Variants in ATE1 observed in about 807,000 individuals in gnomAD.
ATE1 encodes the protein arginyl-tRNA--protein transferase 1.
A neutral mutation model predicts 70.5 loss-of-function variants in ATE1; 36 were observed. The observed-to-expected ratio is 0.51, with a 90% CI of 0.39 to 0.67. The LOEUF is 0.67. Ranked by LOEUF, ATE1 falls within the 30% of genes least tolerant of loss-of-function variation. The pLI, the probability that ATE1 is intolerant of heterozygous loss-of-function variation, is 0.00. For synonymous variants in ATE1, 232 were observed against 219.3 expected, an observed-to-expected ratio of 1.06 and a Z score of -0.51; for missense variants, 593 against 629.5, an observed-to-expected ratio of 0.94 and a Z score of 0.62.
chr10:121,751,109 G>A (rs1944559446), intron 11 of ATE1, among the ~76,000 whole-genome samples: 1 of 152,216 alleles, frequency 6.6e-6, no homozygotes, highest in Admixed American at 6.5e-5. Flanking sequence ...TTTGGTGGGA[G>A]GCTCAGAAAT....
intron 7 of ATE1, among the ~76,000 whole-genome samples, chr10:121,873,935 A>G: frequency 6.6e-6 from 1 of 152,128 alleles, no homozygotes; most frequent in East Asian, 1.9e-4. Flanking sequence ...ACTATTTGCC[A>G]AAGTGAAATT....
chr10:121,781,893 C>T (rs1201046339), intron 11 of ATE1, among the ~76,000 whole-genome samples: 1 of 152,250 alleles, frequency 6.6e-6, no homozygotes, highest in African/African-American at 2.4e-5. Context: ...TAGGAAAATA[C>T]GTTTCTTACA....
intron 7 of ATE1, among the ~76,000 whole-genome samples, chr10:121,879,864 C>T (rs1017347006): frequency 6.6e-6 from 1 of 152,150 alleles, no homozygotes; most frequent in Non-Finnish European, 1.5e-5. Context: ...GAAAAACTTC[C>T]AGCACATACC....
At position 121,747,511 on chromosome 10, in the gene ATE1, G is replaced by C. The variant is rs372410960; in HGVS notation, c.1379-3653C>G. On this transcript the variant is annotated intron_variant, in intron 11 of 11. Transcript: ENST00000224652. ...AGCTGCTCTAGCTGCTCTTGAAGTT[G>C]TCAGGGTTCTGGGTAGCCCTGACCC... Among the ~76,000 whole-genome samples the C allele has an allele frequency of 3.1e-4, 47 of 152,252 alleles. No individual in the cohort carries two copies. The East Asian group carries it at 8.5e-3, about 28-fold the overall frequency.
At chr10:121,902,866 C>CT (rs561970512) in intron 5 of ATE1, among the ~76,000 whole-genome samples, 4 of 151,672 alleles carry the variant, frequency 2.6e-5, no homozygotes, top group South Asian at 2.1e-4. Flanking sequence ...TGCTGAAAAT[C>CT]TTTTTTTTCT....
At chr10:121,884,681 A>G (rs950657442) in intron 7 of ATE1, among the ~76,000 whole-genome samples, 2 of 151,846 alleles carry the variant, frequency 1.3e-5, no homozygotes, top group Non-Finnish European at 2.9e-5. Flanking sequence ...GCTAGTTTTG[A>G]CTCCACCCCT....
chr10:121,757,703 C>T (rs1402093817), intron 11 of ATE1, among the ~76,000 whole-genome samples: 1 of 152,172 alleles, frequency 6.6e-6, no homozygotes, highest in Non-Finnish European at 1.5e-5. Context: ...AAAAACAGTA[C>T]AGGAAAGACT....
intron 7 of ATE1, among the ~76,000 whole-genome samples, chr10:121,870,309 A>G (rs1254269594): frequency 2.0e-5 from 3 of 152,252 alleles, no homozygotes; most frequent in Non-Finnish European, 4.4e-5. Flanking sequence ...CAGTCCTAAA[A>G]TATTTTGTTT....
intron 11 of ATE1, among the ~76,000 whole-genome samples, chr10:121,789,296 CTT>C (rs3036893): frequency 4.3e-5 from 4 of 92,690 alleles, no homozygotes; most frequent in Middle Eastern, 0.014. Flanking sequence ...CAGGGCTATG[CTT>C]TTTTTTTTTT....
chr10:121,821,880 A>G (rs1373417053), intron 10 of ATE1, among the ~76,000 whole-genome samples: 1 of 152,040 alleles, frequency 6.6e-6, no homozygotes, highest in Non-Finnish European at 1.5e-5. Flanking sequence ...CAAAAAACAC[A>G]ATGTACCACC....
At chr10:121,774,144 G>A (rs1358128733) in intron 11 of ATE1, among the ~76,000 whole-genome samples, 1 of 152,092 alleles carries the variant, frequency 6.6e-6, no homozygotes, top group Non-Finnish European at 1.5e-5. Context: ...AGAGCCTTTG[G>A]TTTATCAATG....
intron 3 of ATE1, among the ~76,000 whole-genome samples, chr10:121,916,475 TAGA>T (rs1951663637): frequency 6.6e-6 from 1 of 152,150 alleles, no homozygotes; most frequent in Non-Finnish European, 1.5e-5. Context: ...CTTTCTCTAT[TAGA>T]AGATGTGCTT....
chr10:121,856,371 A>C (rs1455700501), intron 8 of ATE1, among the ~76,000 whole-genome samples: 1 of 151,672 alleles, frequency 6.6e-6, no homozygotes. Flanking sequence ...CTCTACTAAA[A>C]ATACAAAAAT....
chr10:121,756,061 T>C (rs1292367961), intron 11 of ATE1, among the ~76,000 whole-genome samples: 4 of 152,172 alleles, frequency 2.6e-5, no homozygotes, highest in Admixed American at 1.3e-4. Flanking sequence ...AAAACTAAGT[T>C]ACTTCCTAGA....
At chr10:121,793,944 A>G (rs528105553) in intron 10 of ATE1, among the ~76,000 whole-genome samples, 2 of 152,338 alleles carry the variant, frequency 1.3e-5, no homozygotes, top group East Asian at 3.9e-4. Flanking sequence ...TCATGGTTTC[A>G]TAATATTACA....
chr10:121,798,364 T>C (rs930375631), intron 10 of ATE1, among the ~76,000 whole-genome samples: 1 of 152,216 alleles, frequency 6.6e-6, no homozygotes, highest in Non-Finnish European at 1.5e-5. Context: ...TGAAAGTATA[T>C]GCCAATGAAA....
At chr10:121,755,332 G>A (rs1944753107) in intron 11 of ATE1, among the ~76,000 whole-genome samples, 1 of 152,154 alleles carries the variant, frequency 6.6e-6, no homozygotes, top group Non-Finnish European at 1.5e-5. Context: ...GATACTGAAG[G>A]ACAGTGGTGC....
At chr10:121,910,469 AACTAAAATAC>A (rs1951377048) in intron 5 of ATE1, among the ~76,000 whole-genome samples, 1 of 150,696 alleles carries the variant, frequency 6.6e-6, no homozygotes, top group Admixed American at 6.7e-5. Flanking sequence ...GACATTTTAA[AACTAAAATAC>A]ACTAAAATTA....
intron 10 of ATE1, among the ~76,000 whole-genome samples, chr10:121,830,841 C>T (rs991771360): frequency 2.0e-5 from 3 of 152,096 alleles, no homozygotes; most frequent in Admixed American, 1.3e-4. Context: ...TTCAGATTTT[C>T]GGAATTCCCC....
Sources: allele counts gnomAD v4.1 joint callset (sites outside exome capture counted in the v4.1 genomes callset), GRCh38; gene constraint gnomAD v4.1.1; transcripts MANE v1.5; gene names NCBI Gene and HGNC (gene_info 2026-07-23, HGNC 2026-07-21).